The following RNLS variants were observed in gnomAD, a reference collection of about 807,000 sequenced individuals.
RNLS encodes renalase, FAD dependent amine oxidase.
RNLS carries 39 observed loss-of-function variants against 39.8 expected under a neutral mutation model. The ratio of observed to expected loss-of-function variants is 0.98; its 90% CI spans 0.76 to 1.28. The LOEUF (loss-of-function observed/expected upper bound fraction) is 1.28. Among genes scored for constraint, RNLS ranks in the 50% most tolerant of loss-of-function variants. RNLS has a pLI of 0.00. For synonymous variants in RNLS, 147 were observed against 150.7 expected (o/e 0.98, Z 0.18); for missense variants, 410 against 413.3 (o/e 0.99, Z 0.07).
At chr10:88,458,445 C>T (rs1230651250) in intron 4 of RNLS, among the ~76,000 whole-genome samples, 2 of 152,162 alleles carry the variant, frequency 1.3e-5, no homozygotes, top group African/African-American at 4.8e-5. Context: ...CCTACATTCA[C>T]ACCCACCCAA....
chr10:88,439,556 T>A (rs1020213791), intron 4 of RNLS, among the ~76,000 whole-genome samples: 5 of 152,324 alleles, frequency 3.3e-5, no homozygotes, highest in African/African-American at 1.2e-4. Context: ...TAGGGTCAAC[T>A]TTTGGCCAAA....
At chr10:88,393,459 A>T (rs1395058076) in intron 4 of RNLS, among the ~76,000 whole-genome samples, 1 of 152,180 alleles carries the variant, frequency 6.6e-6, no homozygotes, top group African/African-American at 2.4e-5. Flanking sequence ...CAAAGACAAT[A>T]AAATACCTAG....
At chr10:88,351,211 T>G (rs1011815693) in intron 5 of RNLS, among the ~76,000 whole-genome samples, 6 of 152,246 alleles carry the variant, frequency 3.9e-5, no homozygotes, top group Non-Finnish European at 8.8e-5. Flanking sequence ...TTTCTTTTGC[T>G]GTGCAGAAGC....
chr10:88,337,748 A>T (rs1299395453), intron 5 of RNLS, among the ~76,000 whole-genome samples: 1 of 152,180 alleles, frequency 6.6e-6, no homozygotes, highest in Non-Finnish European at 1.5e-5. Flanking sequence ...GAACAATAAT[A>T]AGTCTCCCCA....
At chr10:88,219,873 G>A in the RNLS span, among the ~76,000 whole-genome samples, 1 of 152,170 alleles carries the variant, frequency 6.6e-6, no homozygotes, top group Non-Finnish European at 1.5e-5. Flanking sequence ...CTGTCCCCCT[G>A]CTCCTGAGCT....
chr10:88,315,166 A>C (rs1011104957), intron 5 of RNLS, among the ~76,000 whole-genome samples: 21 of 152,198 alleles, frequency 1.4e-4, no homozygotes, highest in African/African-American at 5.1e-4. Context: ...TTGTCCTCAT[A>C]ATATTCTTCT....
In RNLS at chr10:88,333,292, T is replaced by G. The variant is rs549424925; in HGVS notation, c.701-18651A>C. On this transcript the variant is annotated intron_variant, in intron 5 of 6. Coordinates refer to ENST00000331772, the MANE Select transcript of RNLS (RefSeq NM_001031709.3). ...TGTTTTAAAACTACTTTTATCTGAATTACAAAACTTTTTAAAAAGTTATTC... is the reference window on the plus strand; with the variant it reads ...TGTTTTAAAACTACTTTTATCTGAAGTACAAAACTTTTTAAAAAGTTATTC... Among the ~76,000 whole-genome samples the G allele has an allele frequency of 2.0e-5, 3 of 152,312 alleles. No individual in the cohort carries two copies. The East Asian group carries it at 5.8e-4, about 29-fold the overall frequency.
chr10:88,485,713 A>G (rs1203100747), intron 4 of RNLS, among the ~76,000 whole-genome samples: 1 of 151,274 alleles, frequency 6.6e-6, no homozygotes, highest in African/African-American at 2.4e-5. Context: ...TAATCACAAT[A>G]TTCTTTTTCT....
At chr10:88,410,827 A>G (rs1853608621) in intron 4 of RNLS, among the ~76,000 whole-genome samples, 1 of 152,194 alleles carries the variant, frequency 6.6e-6, no homozygotes, top group African/African-American at 2.4e-5. Context: ...AAATTCACTA[A>G]GAAATAAATT....
intron 5 of RNLS, among the ~76,000 whole-genome samples, chr10:88,338,029 G>A (rs151311237): frequency 1.3e-5 from 2 of 152,192 alleles, no homozygotes; most frequent in East Asian, 1.9e-4. Flanking sequence ...CTTCTTCTGG[G>A]CCTCAATTTC....
chr10:88,320,691 A>T (rs1330201850), intron 5 of RNLS, among the ~76,000 whole-genome samples: 1 of 150,358 alleles, frequency 6.7e-6, no homozygotes, highest in Non-Finnish European at 1.5e-5. Flanking sequence ...ACATTAAAAA[A>T]AAAAGACAAA....
intron 4 of RNLS, among the ~76,000 whole-genome samples, chr10:88,463,937 C>G (rs938929763): frequency 3.3e-5 from 5 of 151,956 alleles, no homozygotes; most frequent in African/African-American, 9.7e-5. Flanking sequence ...TTCTCTTTAA[C>G]TTTTCTTCCT....
intron 4 of RNLS, among the ~76,000 whole-genome samples, chr10:88,469,119 T>C (rs1174623865): frequency 1.3e-5 from 2 of 152,152 alleles, no homozygotes; most frequent in Non-Finnish European, 2.9e-5. Context: ...AAAAAGCAGA[T>C]AAAGAGAGTA....
At chr10:88,410,776 C>T (rs558487191) in intron 4 of RNLS, among the ~76,000 whole-genome samples, 1 of 152,160 alleles carries the variant, frequency 6.6e-6, no homozygotes, top group South Asian at 2.1e-4. Flanking sequence ...TCATTCAACA[C>T]CCCCGCTTAC....
the RNLS span, among the ~76,000 whole-genome samples, chr10:88,197,804 A>C: frequency 6.6e-6 from 1 of 152,324 alleles, no homozygotes. Context: ...ATTTGCACAG[A>C]GGAAAGGCCG....
At chr10:88,553,518 T>C (rs1443103857) in intron 4 of RNLS, among the ~76,000 whole-genome samples, 1 of 152,160 alleles carries the variant, frequency 6.6e-6, no homozygotes, top group African/African-American at 2.4e-5. Context: ...ATCTTAAGAA[T>C]CTAATGGTAA....
chr10:88,219,198 A>T, the RNLS span, among the ~76,000 whole-genome samples: 5 of 152,212 alleles, frequency 3.3e-5, no homozygotes, highest in Non-Finnish European at 7.3e-5. Context: ...TAACTAAATG[A>T]TATTGCATGG....
intron 4 of RNLS, among the ~76,000 whole-genome samples, chr10:88,548,290 A>G (rs1490006422): frequency 7.8e-6 from 1 of 127,826 alleles, no homozygotes; most frequent in Non-Finnish European, 1.6e-5. Flanking sequence ...AAAAAAAAAA[A>G]AAAGAAAAGA....
chr10:88,546,985 T>A (rs1004335567), intron 4 of RNLS, among the ~76,000 whole-genome samples: 2 of 152,096 alleles, frequency 1.3e-5, no homozygotes, highest in African/African-American at 4.8e-5. Flanking sequence ...CTATGATGCA[T>A]CCAAAGCAGA....
Sources: gnomAD v4.1 joint callset for allele counts (sites outside exome capture counted in the v4.1 genomes callset) on GRCh38, gnomAD v4.1.1 for gene constraint, MANE v1.5 for transcripts, NCBI Gene and HGNC (gene_info 2026-07-23, HGNC 2026-07-21) for gene names.